Variants in MATCAP2 observed in about 807,000 individuals in gnomAD.
MATCAP2 encodes microtubule associated tyrosine carboxypeptidase 2.
chr7:36,383,474 T>C, the MATCAP2 span, among the ~76,000 whole-genome samples: 50 of 152,330 alleles, frequency 3.3e-4, no homozygotes, highest in Admixed American at 8.5e-4. Context: ...CATGGAATAC[T>C]ATGCAGCCAT....
At chr7:36,366,517 G>A in the MATCAP2 span, among the ~76,000 whole-genome samples, 1 of 152,144 alleles carries the variant, frequency 6.6e-6, no homozygotes, top group South Asian at 2.1e-4. Flanking sequence ...TATAAATAAT[G>A]AAATATACAG....
chr7:36,364,013 C>G, the MATCAP2 span, among the ~76,000 whole-genome samples: 1 of 149,810 alleles, frequency 6.7e-6, no homozygotes, highest in Admixed American at 6.6e-5. Context: ...ATTTTAGAAT[C>G]AAGATTTTAG....
the MATCAP2 span, chr7:36,367,192 C>T: frequency 3.4e-6 from 4 of 1,188,974 alleles, no homozygotes; most frequent in South Asian, 8.6e-5. Flanking sequence ...CCCAGCAGCG[C>T]TTAGAACCTG....
the MATCAP2 span, among the ~76,000 whole-genome samples, chr7:36,382,233 G>C: frequency 6.8e-6 from 1 of 147,626 alleles, no homozygotes; most frequent in African/African-American, 2.5e-5. Context: ...CTTGAACCTG[G>C]AAGGCGGAGG....
At chr7:36,382,368 A>G in the MATCAP2 span, among the ~76,000 whole-genome samples, 8 of 150,608 alleles carry the variant, frequency 5.3e-5, no homozygotes, top group African/African-American at 1.9e-4. Context: ...AAAATTTAAG[A>G]TGTTATATTT....
At chr7:36,366,563 T>A in the MATCAP2 span, 3 of 974,188 alleles carry the variant, frequency 3.1e-6, no homozygotes, top group African/African-American at 5.1e-5. Context: ...TTTCTGAACA[T>A]TCTAGAAAAT....
the MATCAP2 span, among the ~76,000 whole-genome samples, chr7:36,349,875 T>G: frequency 6.6e-6 from 1 of 152,184 alleles, no homozygotes; most frequent in Admixed American, 6.5e-5. Flanking sequence ...GGAGTTTCCA[T>G]CTCTGATCTG....
chr7:36,364,868 T>G, the MATCAP2 span, among the ~76,000 whole-genome samples: 1 of 152,212 alleles, frequency 6.6e-6, no homozygotes, highest in Non-Finnish European at 1.5e-5. Context: ...AATGACCCAG[T>G]TATTTTTAAA....
the MATCAP2 span, chr7:36,357,036 T>C: frequency 7.6e-4 from 1,224 of 1,614,138 alleles, 3 homozygotes; most frequent in Non-Finnish European, 9.8e-4. Flanking sequence ...TCTAAGTTGG[T>C]GGGTTTTATA....
the MATCAP2 span, among the ~76,000 whole-genome samples, chr7:36,352,417 AAAG>A: frequency 1.3e-5 from 2 of 151,656 alleles, no homozygotes; most frequent in African/African-American, 4.8e-5. Flanking sequence ...AAAAAAAAAA[AAAG>A]AACCTTTCTT....
At chr7:36,330,228 G>A in the MATCAP2 span, among the ~76,000 whole-genome samples, 2 of 151,840 alleles carry the variant, frequency 1.3e-5, no homozygotes, top group African/African-American at 4.8e-5. Flanking sequence ...TGGGACTAAG[G>A]TGTGTGCCAC....
chr7:36,355,859 C>T, the MATCAP2 span: 1 of 152,158 alleles, frequency 6.6e-6, no homozygotes, highest in Non-Finnish European at 1.5e-5. Context: ...AAACTATGCC[C>T]TGCAGATAAA....
the MATCAP2 span, among the ~76,000 whole-genome samples, chr7:36,343,674 GGAAGGAAGGAAA>G: frequency 1.3e-5 from 2 of 148,196 alleles, no homozygotes; most frequent in African/African-American, 2.5e-5. Context: ...AGAAAGTAAA[GGAAGGAAGGAAA>G]GAAGGAAGGA....
chr7:36,367,308 A>C, the MATCAP2 span: 1 of 1,009,052 alleles, frequency 9.9e-7, no homozygotes, highest in South Asian at 4.6e-5. Context: ...TCGTGCGACG[A>C]AGGCCCGCGG....
At chr7:36,374,609 T>A in the MATCAP2 span, among the ~76,000 whole-genome samples, 2 of 152,220 alleles carry the variant, frequency 1.3e-5, no homozygotes, top group Non-Finnish European at 2.9e-5. Flanking sequence ...TACATAGGTA[T>A]ACATGTGCCA....
chr7:36,334,104 C>A, the MATCAP2 span: 1 of 1,614,078 alleles, frequency 6.2e-7, no homozygotes, highest in South Asian at 1.1e-5. Context: ...TTTTTTACGT[C>A]CAGTCCAACT....
At chr7:36,330,915 C>T in the MATCAP2 span, 1 of 920,796 alleles carries the variant, frequency 1.1e-6, no homozygotes. Context: ...TTATTTAATG[C>T]TAAGCTTGAG....
At chr7:36,382,958 AAGG>A in the MATCAP2 span, among the ~76,000 whole-genome samples, 1 of 152,254 alleles carries the variant, frequency 6.6e-6, no homozygotes, top group African/African-American at 2.4e-5. Context: ...AGAAAATAAA[AAGG>A]AGATTAAAGT....
the MATCAP2 span, chr7:36,366,905 C>T: frequency 6.9e-7 from 1 of 1,455,334 alleles, no homozygotes; most frequent in Non-Finnish European, 8.9e-7. Context: ...CCAGCCCTTC[C>T]CGGCACTCAC....
Sources: gnomAD v4.1 joint callset for allele counts (sites outside exome capture counted in the v4.1 genomes callset) on GRCh38, gnomAD v4.1.1 for gene constraint, MANE v1.5 for transcripts, NCBI Gene and HGNC (gene_info 2026-07-23, HGNC 2026-07-21) for gene names.